Variants in TSC22D1 observed in about 807,000 individuals in gnomAD.
TSC22D1 encodes TSC22 domain family protein 1.
Under a neutral mutation model 74.2 loss-of-function variants are expected in TSC22D1, and 9 were observed. The ratio of observed to expected loss-of-function variants is 0.12; its 90% CI spans 0.07 to 0.21. The LOEUF (loss-of-function observed/expected upper bound fraction) is 0.21. TSC22D1 is among the 10% of genes least tolerant of loss of function. The pLI is 1.00. For missense variants in TSC22D1, 1,427 were observed against 1,304.7 expected, an observed-to-expected ratio of 1.09 and a Z score of -1.44; for synonymous variants, 586 against 492.5, an observed-to-expected ratio of 1.19 and a Z score of -2.51.
In TSC22D1 at chr13:44,573,814, A is replaced by G. The variant is rs1473515799; in HGVS notation, c.2261T>C (p.Ile754Thr). ...CGAAGATGGAGGAGCACCCTGCTGA[A>G]TAACTGAAGGTGGAACCTGGGTAGA... ...QPSTQVPPSVIQQGAPPSSQV... is the reference protein window; with the variant it reads ...QPSTQVPPSVTQQGAPPSSQV... The change falls in exon 1 of 3, where the codon ATT (isoleucine) becomes ACT (threonine). Residue 754 changes from isoleucine to threonine, a missense_variant. This residue lies in a region of TSC22D1 where 1,343 missense variants were observed against 1,191.5 expected (regional missense o/e 1.13). Coordinates refer to ENST00000458659, the MANE Select transcript of TSC22D1 (RefSeq NM_183422.4). 5 of 1,614,118 alleles carry G rather than the reference A, an allele frequency of 3.1e-6. No individual in the cohort carries two copies. Among genetic ancestry groups the G allele is most frequent in the East Asian group, 2.2e-5 (1 of 44,902 alleles).
intron 1 of TSC22D1, among the ~76,000 whole-genome samples, chr13:44,522,649 A>C (rs773620605): frequency 2.0e-5 from 3 of 152,320 alleles, no homozygotes; most frequent in Middle Eastern, 3.4e-3. Flanking sequence ...AAAATAATCT[A>C]TCCAACACTG....
chr13:44,575,279 C>T lies in TSC22D1; in HGVS notation c.796G>A (p.Gly266Arg). 1 of 1,614,066 alleles carries T rather than the reference C, an allele frequency of 6.2e-7. No individual in the cohort carries two copies. Among genetic ancestry groups the T allele is most frequent in the African/African-American group, 1.3e-5 (1 of 75,016 alleles). The change falls in exon 1 of 3, where the codon GGA (glycine) becomes AGA (arginine). Residue 266 changes from glycine (G) to arginine (R), a missense_variant. By Grantham distance (125) the Gly-to-Arg change is moderately radical. Coordinates refer to ENST00000458659, the MANE Select transcript of TSC22D1 (RefSeq NM_183422.4). ...SPVSRKLSTT[G>R]SSDSITPVAP... ...ACTGGTGTGATACTGTCAGAGCTTC[C>T]AGTTGTAGAGAGTTTTCTAGATACT...
intron 1 of TSC22D1, among the ~76,000 whole-genome samples, chr13:44,482,297 G>T (rs370057235): frequency 8.9e-4 from 135 of 152,300 alleles, no homozygotes; most frequent in African/African-American, 2.9e-3. Flanking sequence ...CACTTCGGGA[G>T]GCTGAGGCAA....
chr13:44,553,659 G>A (rs945606388), intron 1 of TSC22D1, among the ~76,000 whole-genome samples: 1 of 152,132 alleles, frequency 6.6e-6, no homozygotes, highest in Non-Finnish European at 1.5e-5. Context: ...GCTACATGAC[G>A]CTGTATTTCT....
intron 1 of TSC22D1, among the ~76,000 whole-genome samples, chr13:44,438,970 C>A (rs1170200366): frequency 6.6e-6 from 1 of 152,104 alleles, no homozygotes; most frequent in African/African-American, 2.4e-5. Flanking sequence ...AAACAAAACT[C>A]TAAGGTCATA....
At chr13:44,539,794 C>T in intron 1 of TSC22D1, 1 of 1,288,318 alleles carries the variant, frequency 7.8e-7, no homozygotes, top group South Asian at 1.2e-5. Flanking sequence ...CCACTCTCTC[C>T]AGAAGCTGGA....
chr13:44,551,570 G>A (rs564352118), intron 1 of TSC22D1, among the ~76,000 whole-genome samples: 84 of 152,224 alleles, frequency 5.5e-4, no homozygotes, highest in African/African-American at 1.8e-3. Context: ...ACATAAGCGT[G>A]CCACCACGCC....
intron 1 of TSC22D1, among the ~76,000 whole-genome samples, chr13:44,535,140 T>C (rs1013989561): frequency 2.0e-5 from 3 of 152,194 alleles, no homozygotes; most frequent in Non-Finnish European, 4.4e-5. Context: ...TAATTCTCCA[T>C]CTATCTGAAA....
intron 1 of TSC22D1, among the ~76,000 whole-genome samples, chr13:44,565,393 C>T (rs1439923256): frequency 2.6e-5 from 4 of 152,036 alleles, no homozygotes; most frequent in Non-Finnish European, 4.4e-5. Context: ...TAGGCCTAAT[C>T]GTGCTGAAAG....
At chr13:44,478,688 A>C (rs1241522315) in intron 1 of TSC22D1, among the ~76,000 whole-genome samples, 2 of 152,228 alleles carry the variant, frequency 1.3e-5, no homozygotes, top group Non-Finnish European at 2.9e-5. Context: ...CAAACTATTT[A>C]TGGAAAACTC....
Position 44,560,076 on chromosome 13 carries a change from A to C in TSC22D1, c.2912+13087T>G, listed in dbSNP as rs1297401868. ...TGGCTTGGTTGTCAATTTCTAAAAA[A>C]GGAAATAAAAACATATACAATGAGA... On this transcript the variant is annotated intron_variant, in intron 1 of 2. Coordinates refer to ENST00000458659, the MANE Select transcript of TSC22D1 (RefSeq NM_183422.4). 2.0e-5 allele frequency among the ~76,000 whole-genome samples: 3 copies of C among 152,332 alleles called. No homozygotes were observed. The East Asian group carries it at 5.8e-4, about 29-fold the overall frequency.
At chr13:44,436,561 A>G (rs1464499418) in intron 1 of TSC22D1, 2 of 1,614,122 alleles carry the variant, frequency 1.2e-6, no homozygotes, top group African/African-American at 2.7e-5. Context: ...CAAGAAAGAA[A>G]TTGAAAAATG....
At chr13:44,546,220 G>C (rs73465755) in intron 1 of TSC22D1, among the ~76,000 whole-genome samples, 2,764 of 152,180 alleles carry the variant, frequency 0.018, 81 homozygotes, top group African/African-American at 0.063. Context: ...AAAATTAATG[G>C]AAGTATGATG....
chr13:44,525,826 C>G (rs1487875106), intron 1 of TSC22D1, among the ~76,000 whole-genome samples: 4 of 150,354 alleles, frequency 2.7e-5, no homozygotes, highest in Admixed American at 2.0e-4. Flanking sequence ...AATAGCCAGG[C>G]TCAGTGGTTC....
chr13:44,479,415 G>C (rs1168650869), intron 1 of TSC22D1, among the ~76,000 whole-genome samples: 2 of 151,288 alleles, frequency 1.3e-5, no homozygotes, highest in East Asian at 3.9e-4. Flanking sequence ...GCGTGGCCCA[G>C]GGAAACCAAA....
intron 1 of TSC22D1, among the ~76,000 whole-genome samples, chr13:44,534,540 T>C (rs535886909): frequency 1.4e-4 from 21 of 152,274 alleles, no homozygotes; most frequent in African/African-American, 5.1e-4. Context: ...CCATATTCAA[T>C]ATTGCATTTT....
rs747605916 is a variant in TSC22D1, at chr13:44,573,351, G to A, written c.2724C>T (p.Ser908=). 60 of 1,614,094 alleles carry A rather than the reference G, an allele frequency of 3.7e-5. No individual in the cohort carries two copies. The highest frequency in any genetic ancestry group is 4.7e-5 in the Non-Finnish European group (55 of 1,180,054). ...CTGCACGCCTGGCATCTTCAATTTG[G>A]CTTCCAATTGCCTGAGCTAATGATT... ...SAQSLAQAIG[S]QIEDARRAAE... is the part of the protein sequence containing the mutation. The change falls in exon 1 of 3, where the codon AGC becomes AGT. Residue 908 remains serine, a synonymous_variant. Transcript: ENST00000458659.
At chr13:44,543,362 C>G (rs927565037) in intron 1 of TSC22D1, among the ~76,000 whole-genome samples, 1 of 152,206 alleles carries the variant, frequency 6.6e-6, no homozygotes, top group South Asian at 2.1e-4. Context: ...AGACTGATTT[C>G]TACTCAAATG....
Position 44,455,213 on chromosome 13 carries a change from T to C in TSC22D1, c.2913-19118A>G, listed in dbSNP as rs558557438. Among the ~76,000 whole-genome samples, 3 of 152,244 alleles carry C rather than the reference T, an allele frequency of 2.0e-5. No individual in the cohort carries two copies. In the East Asian group the frequency reaches 5.8e-4, roughly 29 times the overall value. The stretch of plus-strand genomic sequence containing the variant: ...TTCAAAGAAGGACTCCCTGAGAAAA[T>C]GAGTTTTGAGTAAAGACCTAAGAGA... On this transcript the variant is annotated intron_variant, in intron 1 of 2. Transcript: ENST00000458659.
Sources: gnomAD v4.1 joint callset for allele counts (sites outside exome capture counted in the v4.1 genomes callset) on GRCh38, gnomAD v4.1.1 for gene constraint, gnomAD v4.1.1 regional missense constraint, MANE v1.5 for transcripts, NCBI Gene and HGNC (gene_info 2026-07-23, HGNC 2026-07-21) for gene names.